The following TRPC7 variants were observed in gnomAD, a reference collection of about 807,000 sequenced individuals.
TRPC7 encodes the protein transient receptor potential cation channel subfamily C member 7.
Under a neutral mutation model 90.1 loss-of-function variants are expected in TRPC7, and 42 were observed. The observed-to-expected ratio is 0.47, with a 90% CI of 0.36 to 0.60. The LOEUF is 0.60. Ranked by LOEUF, TRPC7 falls within the 20% of genes least tolerant of loss-of-function variation. The pLI, the probability that TRPC7 is intolerant of heterozygous loss-of-function variation, is 0.00. For missense variants in TRPC7, 955 were observed against 1,112.3 expected (o/e 0.86, Z 2.01); for synonymous variants, 451 against 436.3 (o/e 1.03, Z -0.42).
intron 5 of TRPC7, among the ~76,000 whole-genome samples, chr5:136,254,433 C>T (rs1386058571): frequency 6.6e-6 from 1 of 152,100 alleles, no homozygotes; most frequent in Non-Finnish European, 1.5e-5. Context: ...ACCTAGGGCC[C>T]TTAAGAATTA....
chr5:136,227,259 G>C (rs545829555), intron 8 of TRPC7, among the ~76,000 whole-genome samples: 1 of 152,340 alleles, frequency 6.6e-6, no homozygotes, highest in South Asian at 2.1e-4. Flanking sequence ...GGCAGTTTGA[G>C]ACCAGGAAAG....
intron 3 of TRPC7, among the ~76,000 whole-genome samples, chr5:136,301,821 C>T (rs192509801): frequency 2.1e-4 from 32 of 152,334 alleles, no homozygotes; most frequent in Admixed American, 1.2e-3. Flanking sequence ...TCTCTTCACA[C>T]GGACACGCAT....
intron 2 of TRPC7, among the ~76,000 whole-genome samples, chr5:136,336,219 A>G (rs547945472): frequency 1.3e-5 from 2 of 152,146 alleles, no homozygotes; most frequent in Admixed American, 1.3e-4. Context: ...TTCTCACAGT[A>G]TTTTGCTTAT....
At chr5:136,255,018 T>C (rs1261872011) in intron 5 of TRPC7, among the ~76,000 whole-genome samples, 1 of 152,224 alleles carries the variant, frequency 6.6e-6, no homozygotes, top group Non-Finnish European at 1.5e-5. Flanking sequence ...AAGATGTGAC[T>C]AAATTGCTGC....
intron 4 of TRPC7, among the ~76,000 whole-genome samples, chr5:136,267,154 G>A (rs1757059735): frequency 1.3e-5 from 2 of 152,090 alleles, no homozygotes; most frequent in South Asian, 2.1e-4. Flanking sequence ...TGCCTGAAAT[G>A]TCACAAGCTG....
At chr5:136,313,650 T>C (rs759269851) in intron 3 of TRPC7, among the ~76,000 whole-genome samples, 37 of 152,220 alleles carry the variant, frequency 2.4e-4, no homozygotes, top group Non-Finnish European at 4.6e-4. Flanking sequence ...TGTCGCATGA[T>C]GGCATACAAG....
intron 5 of TRPC7, among the ~76,000 whole-genome samples, chr5:136,253,455 G>A (rs925149607): frequency 7.9e-5 from 12 of 151,850 alleles, no homozygotes; most frequent in Admixed American, 1.3e-4. Context: ...TCCCAATAAC[G>A]TGCTCACTTT....
chr5:136,280,273 C>A (rs1331178019), intron 3 of TRPC7, among the ~76,000 whole-genome samples: 2 of 152,204 alleles, frequency 1.3e-5, no homozygotes, highest in Non-Finnish European at 2.9e-5. Flanking sequence ...ATTCTGTAAC[C>A]CACTCACTTG....
intron 2 of TRPC7, among the ~76,000 whole-genome samples, chr5:136,339,648 C>T (rs1452693241): frequency 2.0e-5 from 3 of 152,136 alleles, no homozygotes; most frequent in African/African-American, 7.2e-5. Flanking sequence ...CAGAAATGGA[C>T]TCAGTGCATG....
intron 7 of TRPC7, among the ~76,000 whole-genome samples, chr5:136,240,483 T>A (rs1377258692): frequency 6.6e-6 from 1 of 152,246 alleles, no homozygotes; most frequent in African/African-American, 2.4e-5. Context: ...CACTTTGGAA[T>A]AGAAACCTGC....
intron 2 of TRPC7, among the ~76,000 whole-genome samples, chr5:136,319,178 A>G (rs1041731910): frequency 1.3e-5 from 2 of 152,194 alleles, no homozygotes; most frequent in Non-Finnish European, 2.9e-5. Context: ...TCCTCCTCTC[A>G]GATGAGGACC....
Position 136,213,353 on chromosome 5 carries a change from C to A in TRPC7, c.*82G>T. The A allele has an allele frequency of 6.9e-7, 1 of 1,453,138 alleles. No homozygotes were observed. Among genetic ancestry groups the A allele is most frequent in the Non-Finnish European group, 9.4e-7 (1 of 1,063,914 alleles). 90.0% of individuals were successfully genotyped at this position (1,453,138 alleles called of 1,614,324 possible). Reference sequence around the variant, plus strand: ...TGTCCTAGAGGAGTGGGCTGGGGACCCCTCCCCACCAAGGATGGGGGCGAG... The same window carrying A: ...TGTCCTAGAGGAGTGGGCTGGGGACACCTCCCCACCAAGGATGGGGGCGAG... On this transcript the variant is annotated 3_prime_UTR_variant, in exon 12 of 12. Transcript: ENST00000513104.
chr5:136,286,410 C>A (rs7701815), intron 3 of TRPC7, among the ~76,000 whole-genome samples: 101,730 of 152,030 alleles, frequency 0.67, 35,017 homozygotes, highest in African/African-American at 0.85. Flanking sequence ...TCTCCTGAGA[C>A]AGTTACCTCT....
At chr5:136,296,933 G>A (rs1482164596) in intron 3 of TRPC7, among the ~76,000 whole-genome samples, 1 of 152,140 alleles carries the variant, frequency 6.6e-6, no homozygotes, top group Non-Finnish European at 1.5e-5. Context: ...TCCTGCCCCT[G>A]CCTGGGGTTC....
intron 3 of TRPC7, among the ~76,000 whole-genome samples, chr5:136,304,310 A>G (rs940578984): frequency 8.1e-4 from 124 of 152,242 alleles, no homozygotes; most frequent in African/African-American, 2.9e-3. Context: ...ATCCCATCCC[A>G]CAGCACTCTT....
At chr5:136,304,999 T>C (rs1455943951) in intron 3 of TRPC7, among the ~76,000 whole-genome samples, 2 of 152,214 alleles carry the variant, frequency 1.3e-5, no homozygotes, top group African/African-American at 2.4e-5. Flanking sequence ...GCCCTAAAAA[T>C]CACAAACTAT....
intron 8 of TRPC7, among the ~76,000 whole-genome samples, chr5:136,227,934 T>C (rs770828232): frequency 2.3e-4 from 35 of 152,344 alleles, no homozygotes; most frequent in African/African-American, 7.5e-4. Flanking sequence ...TGCATCTCCA[T>C]AGCCTAGCAT....
chr5:136,285,009 G>A (rs537363082), intron 3 of TRPC7, among the ~76,000 whole-genome samples: 4 of 152,282 alleles, frequency 2.6e-5, no homozygotes, highest in African/African-American at 9.6e-5. Context: ...TATATTCAAA[G>A]CACTTGGCAT....
Position 136,282,497 on chromosome 5 carries a change from T to C in TRPC7, c.964-7660A>G, listed in dbSNP as rs146924168. Among the ~76,000 whole-genome samples, 727 of 152,366 alleles carry C rather than the reference T, an allele frequency of 4.8e-3. 7 individuals carry two copies. Among genetic ancestry groups the C allele is most frequent in the African/African-American group, 0.017 (703 of 41,596 alleles). On this transcript the variant is annotated intron_variant, in intron 3 of 11. Transcript: ENST00000513104. ...TCAGTCTATCTCCTGTAAATTTATA[T>C]GATAATGCTGATGTAGGTGTAACAT...
Sources: gnomAD v4.1 joint callset for allele counts (sites outside exome capture counted in the v4.1 genomes callset) on GRCh38, gnomAD v4.1.1 for gene constraint, MANE v1.5 for transcripts, NCBI Gene and HGNC (gene_info 2026-07-23, HGNC 2026-07-21) for gene names.